ARSJ: variants seen among roughly 807,000 people sequenced by gnomAD.
The protein encoded by ARSJ is arylsulfatase family member J, also known as arylsulfatase J.
In ARSJ, 26 loss-of-function variants were observed where a neutral mutation model predicts 35.9. The observed-to-expected ratio is 0.72, with a 90% CI of 0.53 to 1.00. ARSJ has a LOEUF of 1.00. Among genes scored for constraint, ARSJ ranks in the 50% least tolerant of loss-of-function variants. The probability of loss-of-function intolerance (pLI) is 0.00; values close to 1 mark genes in which losing one functional copy is unlikely to be tolerated. For missense variants in ARSJ, 667 were observed against 723.6 expected (o/e 0.92, Z 0.90); for synonymous variants, 294 against 267.6 (o/e 1.10, Z -0.96).
intron 1 of ARSJ, among the ~76,000 whole-genome samples, chr4:113,948,985 C>T (rs374735092): frequency 8.5e-5 from 13 of 152,142 alleles, no homozygotes; most frequent in South Asian, 2.1e-4. Context: ...GTGGCACATA[C>T]GCACCATGGA....
chr4:113,945,146 C>T (rs1725396063), intron 1 of ARSJ, among the ~76,000 whole-genome samples: 1 of 151,852 alleles, frequency 6.6e-6, no homozygotes, highest in Non-Finnish European at 1.5e-5. Context: ...TAAAAATATA[C>T]ATACATATTT....
At chr4:113,929,687 C>T (rs897290362) in intron 1 of ARSJ, among the ~76,000 whole-genome samples, 9 of 152,126 alleles carry the variant, frequency 5.9e-5, no homozygotes, top group Non-Finnish European at 1.2e-4. Context: ...TGTTTTTCCA[C>T]AATTTCAGCT....
Position 113,937,961 on chromosome 4 carries a change from T to C in ARSJ, c.399-34286A>G, listed in dbSNP as rs566084377. Among the ~76,000 whole-genome samples the C allele has an allele frequency of 5.1e-4, 78 of 152,078 alleles. 1 individual carries two copies. The highest frequency in any genetic ancestry group is 1.6e-3 in the African/African-American group (65 of 41,548). On this transcript the variant is annotated intron_variant, in intron 1 of 1. Transcript: ENST00000315366. ...ATCAATATGAAAATGGCCATACTGA[T>C]GAAAGTAATTTGCAGATTCAATGCT...
At chr4:113,943,091 C>A (rs987895792) in intron 1 of ARSJ, among the ~76,000 whole-genome samples, 1 of 152,020 alleles carries the variant, frequency 6.6e-6, no homozygotes, top group African/African-American at 2.4e-5. Context: ...CAAACTACAT[C>A]ACTGTGGGCT....
chr4:113,903,198 T>C lies in ARSJ; in HGVS notation c.876A>G (p.Arg292=). Residue 292 remains arginine (R), a synonymous_variant, in exon 2 of 2, where the codon AGA becomes AGG. Coordinates refer to ENST00000315366, the MANE Select transcript of ARSJ (RefSeq NM_024590.4). ...YRSIININRR[R]YAAMLSCLDE... ...CTAAGCAGGAAAGCATGGCAGCATATCTCCTCCTGTTTATGTTGATAATGG... is the reference window on the plus strand; with the variant it reads ...CTAAGCAGGAAAGCATGGCAGCATACCTCCTCCTGTTTATGTTGATAATGG... 1 of 1,614,152 alleles carries C rather than the reference T, an allele frequency of 6.2e-7. No individual in the cohort carries two copies. Among genetic ancestry groups the C allele is most frequent in the Admixed American group, 1.7e-5 (1 of 60,024 alleles).
chr4:113,941,090 C>T (rs1222098672), intron 1 of ARSJ, among the ~76,000 whole-genome samples: 1 of 151,964 alleles, frequency 6.6e-6, no homozygotes, highest in Non-Finnish European at 1.5e-5. Context: ...CTGCACTCCT[C>T]ACAGAGCTGG....
chr4:113,947,390 G>T (rs1430320005), intron 1 of ARSJ, among the ~76,000 whole-genome samples: 2 of 151,956 alleles, frequency 1.3e-5, no homozygotes, highest in African/African-American at 4.8e-5. Context: ...TGAGGCACGA[G>T]AATCGTTTGA....
chr4:113,924,640 C>G (rs887691946), intron 1 of ARSJ, among the ~76,000 whole-genome samples: 1 of 152,032 alleles, frequency 6.6e-6, no homozygotes, highest in Admixed American at 6.6e-5. Flanking sequence ...TGCACTAATC[C>G]CCACTCAAAT....
chr4:113,959,244 T>A (rs1257956985), intron 1 of ARSJ, among the ~76,000 whole-genome samples: 6 of 152,036 alleles, frequency 3.9e-5, no homozygotes, highest in Non-Finnish European at 8.8e-5. Context: ...GGGAATAATT[T>A]CTGTTTACCC....
chr4:113,911,568 G>T (rs76614785), intron 1 of ARSJ, among the ~76,000 whole-genome samples: 1 of 152,160 alleles, frequency 6.6e-6, no homozygotes, highest in African/African-American at 2.4e-5. Flanking sequence ...ATTTGATAGG[G>T]TTACAGACTA....
rs746624085 is a variant in ARSJ at position 113,978,467 on chromosome 4, GT to G, written c.367del (p.Thr123HisfsTer23). 16 of 1,613,248 alleles carry G rather than the reference GT, an allele frequency of 9.9e-6. 2 individuals carry two copies. In the South Asian group the frequency reaches 1.8e-4, roughly 18 times the overall value. ...AGTAATAAACTGACTCCTGGATGGTGTGCAAATAGGCTGGACATAGTAGTTC... is the reference window on the plus strand; with the variant it reads ...AGTAATAAACTGACTCCTGGATGGTGGCAAATAGGCTGGACATAGTAGTTC... ...LENYYVQPIC[T>X]PSRSQFITGK... On this transcript the variant is annotated frameshift_variant, in exon 1 of 2. Transcript: ENST00000315366. LOFTEE classifies it high-confidence loss of function.
intron 1 of ARSJ, among the ~76,000 whole-genome samples, chr4:113,934,881 T>C (rs1435264558): frequency 1.3e-5 from 2 of 151,864 alleles, no homozygotes; most frequent in African/African-American, 2.4e-5. Flanking sequence ...GGATTCATCT[T>C]TTACTACACT....
At position 113,902,027 on chromosome 4, in the gene ARSJ, A is replaced by G; in HGVS notation, c.*247T>C. 1.7e-6 allele frequency: 2 copies of G among 1,191,790 alleles called. No individual in the cohort carries two copies. The highest frequency in any genetic ancestry group is 2.3e-6 in the Non-Finnish European group (2 of 877,736). 73.8% of individuals were successfully genotyped at this position (1,191,790 alleles called of 1,614,324 possible). A position where few individuals can be genotyped will look rare whatever the true frequency, so the allele number is the denominator to read the frequency against. On this transcript the variant is annotated 3_prime_UTR_variant, in exon 2 of 2. Transcript: ENST00000315366. ...GAACTCAGGACTCACCACGTTTTCT[A>G]AAGGAGCAAGAGAAATAAACATCTC...
At chr4:113,926,490 G>C (rs1000439830) in intron 1 of ARSJ, among the ~76,000 whole-genome samples, 3 of 152,124 alleles carry the variant, frequency 2.0e-5, no homozygotes, top group Non-Finnish European at 4.4e-5. Flanking sequence ...TCAGGCCCTA[G>C]TCTTCTCTTC....
intron 1 of ARSJ, among the ~76,000 whole-genome samples, chr4:113,957,992 T>C (rs10018499): frequency 4.1e-4 from 63 of 152,122 alleles, no homozygotes; most frequent in African/African-American, 1.4e-3. Flanking sequence ...TTGAGTGACA[T>C]AAACAAGTGC....
chr4:113,912,490 G>C (rs933314765), intron 1 of ARSJ, among the ~76,000 whole-genome samples: 40 of 151,842 alleles, frequency 2.6e-4, no homozygotes, highest in African/African-American at 9.5e-4. Context: ...ACTATTTCAA[G>C]ATATATAGAT....
intron 1 of ARSJ, among the ~76,000 whole-genome samples, chr4:113,938,806 C>T (rs1424395537): frequency 6.6e-6 from 1 of 151,836 alleles, no homozygotes; most frequent in Non-Finnish European, 1.5e-5. Context: ...TGGCCAAGAA[C>T]CATACGAGAA....
In ARSJ at chr4:113,978,869, A is replaced by C. The variant is rs1475657149; in HGVS notation, c.-35T>G. 6.4e-7 allele frequency: 1 copy of C among 1,552,306 alleles called. No individual in the cohort carries two copies. Among genetic ancestry groups the C allele is most frequent in the Non-Finnish European group, 8.7e-7 (1 of 1,153,124 alleles). ...TCCCAGGTGAGACTCCACGCGGAGA[A>C]CCACGCGCCCCGCGCCGCTGCGGGC... On this transcript the variant is annotated 5_prime_UTR_variant, in exon 1 of 2. Coordinates refer to ENST00000315366, the MANE Select transcript of ARSJ (RefSeq NM_024590.4).
At chr4:113,923,244 C>T (rs1288723565) in intron 1 of ARSJ, among the ~76,000 whole-genome samples, 4 of 152,124 alleles carry the variant, frequency 2.6e-5, no homozygotes, top group Non-Finnish European at 5.9e-5. Flanking sequence ...CTACAGAAGA[C>T]TAATACAAAC....
Sources: gnomAD v4.1 joint callset for allele counts (sites outside exome capture counted in the v4.1 genomes callset) on GRCh38, gnomAD v4.1.1 for gene constraint, MANE v1.5 for transcripts, NCBI Gene and HGNC (gene_info 2026-07-23, HGNC 2026-07-21) for gene names.